Variants in GFOD1 observed in about 807,000 individuals in gnomAD.
GFOD1 encodes Gfo/Idh/MocA-like oxidoreductase domain containing 1, also known as glucose-fructose oxidoreductase domain-containing protein 1.
Under a neutral mutation model 25.4 loss-of-function variants are expected in GFOD1, and 9 were observed. The observed-to-expected ratio is 0.35, with a 90% confidence interval of 0.21 to 0.62. The LOEUF (loss-of-function observed/expected upper bound fraction) is 0.62, where lower values mean the gene tolerates loss of function less well. Among genes scored for constraint, GFOD1 ranks in the 20% least tolerant of loss-of-function variants. GFOD1 has a pLI of 0.72. For missense variants in GFOD1, 403 were observed against 556.9 expected, an observed-to-expected ratio of 0.72 and a Z score of 2.78; for synonymous variants, 253 against 245.6, an observed-to-expected ratio of 1.03 and a Z score of -0.28.
intron 1 of GFOD1, among the ~76,000 whole-genome samples, chr6:13,393,780 CTTT>C (rs70989854): frequency 4.2e-5 from 5 of 120,288 alleles, no homozygotes; most frequent in Non-Finnish European, 6.6e-5. Context: ...TTTTTCTTTT[CTTT>C]TTTTTTTTTT....
chr6:13,430,507 G>A lies in GFOD1; in HGVS notation c.253+56131C>T, dbSNP rs1375248927. Among the ~76,000 whole-genome samples, 1 of 151,888 alleles carries A rather than the reference G, an allele frequency of 6.6e-6. No individual in the cohort carries two copies. The highest frequency in any genetic ancestry group is 1.5e-5 in the Non-Finnish European group (1 of 67,958). ...CAGCCATTGCACTGTGAAGGAACCC[G>A]AGCCACATAGGGTATGGCATCAAGC... On this transcript the variant is annotated intron_variant, in intron 1 of 1. Transcript: ENST00000379287. The surrounding 1 kb of genome is among the most constrained non-coding windows in gnomAD (Gnocchi z 4.1).
intron 1 of GFOD1, among the ~76,000 whole-genome samples, chr6:13,379,915 C>T (rs527926056): frequency 6.6e-6 from 1 of 152,176 alleles, no homozygotes; most frequent in Non-Finnish European, 1.5e-5. Context: ...TCTCACCTGG[C>T]ATTTGCAAGC....
intron 1 of GFOD1, among the ~76,000 whole-genome samples, chr6:13,377,906 G>C (rs1785286077): frequency 6.6e-6 from 1 of 152,068 alleles, no homozygotes; most frequent in South Asian, 2.1e-4. Context: ...GGTGCTCTAG[G>C]GTTTTTAAGA....
chr6:13,405,039 C>T (rs1040251565), intron 1 of GFOD1, among the ~76,000 whole-genome samples: 2 of 152,120 alleles, frequency 1.3e-5, no homozygotes, highest in Non-Finnish European at 2.9e-5. Flanking sequence ...GTACCTGGTC[C>T]CTGAAGGTGA....
intron 1 of GFOD1, among the ~76,000 whole-genome samples, chr6:13,447,061 T>C (rs1366887434): frequency 6.6e-6 from 1 of 152,190 alleles, no homozygotes; most frequent in Non-Finnish European, 1.5e-5. Flanking sequence ...TCCCAAAAGA[T>C]CACAGAAGAT....
chr6:13,404,987 A>G (rs1262027331), intron 1 of GFOD1, among the ~76,000 whole-genome samples: 1 of 152,126 alleles, frequency 6.6e-6, no homozygotes, highest in African/African-American at 2.4e-5. Flanking sequence ...AAGCCCCACC[A>G]TTCTCTGTTG....
chr6:13,421,086 C>T (rs1412899367), intron 1 of GFOD1, among the ~76,000 whole-genome samples: 1 of 152,116 alleles, frequency 6.6e-6, no homozygotes, highest in Non-Finnish European at 1.5e-5. Context: ...GTAGATATAA[C>T]ATTGTTATTT....
At chr6:13,419,181 C>G (rs778648765) in intron 1 of GFOD1, among the ~76,000 whole-genome samples, 1 of 152,180 alleles carries the variant, frequency 6.6e-6, no homozygotes, top group Non-Finnish European at 1.5e-5. Context: ...GATTCATGCC[C>G]ATTTGAGAGG....
intron 1 of GFOD1, among the ~76,000 whole-genome samples, chr6:13,455,537 T>C (rs1332781792): frequency 6.6e-6 from 1 of 152,212 alleles, no homozygotes; most frequent in Non-Finnish European, 1.5e-5. Flanking sequence ...GACAGAGGGA[T>C]GCCTAAAACT....
At position 13,433,118 on chromosome 6, in the gene GFOD1, C is replaced by CTT. The variant is rs34908391; in HGVS notation, c.253+53518_253+53519dup. Among the ~76,000 whole-genome samples the CTT allele has an allele frequency of 8.4e-4, 112 of 133,630 alleles. 1 individual carries two copies. The highest frequency in any genetic ancestry group is 1.0e-3 in the African/African-American group (37 of 36,392). 87.7% of individuals were successfully genotyped at this position (133,630 alleles called of 152,430 possible). A position where few individuals can be genotyped will look rare whatever the true frequency, so the allele number is the denominator to read the frequency against. The stretch of plus-strand genomic sequence containing the variant: ...ATGACTGACATTTTGTGCTGGGTCC[C>CTT]TTTTTTTTTTTTTTTTTTGAGATGG... On this transcript the variant is annotated intron_variant, in intron 1 of 1. Transcript: ENST00000379287.
intron 1 of GFOD1, among the ~76,000 whole-genome samples, chr6:13,479,726 A>C (rs1449190428): frequency 6.6e-6 from 1 of 152,244 alleles, no homozygotes; most frequent in Non-Finnish European, 1.5e-5. Context: ...GTTCAACTGC[A>C]CCTAATTTCA....
At chr6:13,373,752 A>ACG in intron 1 of GFOD1, among the ~76,000 whole-genome samples, 1 of 144,366 alleles carries the variant, frequency 6.9e-6, no homozygotes, top group African/African-American at 2.6e-5. Flanking sequence ...ACACACACAC[A>ACG]CACACACACA....
intron 1 of GFOD1, chr6:13,486,257 C>CCCCCCCCCCCCCCCCCCA (rs1554207083): frequency 3.6e-6 from 1 of 276,728 alleles, no homozygotes; most frequent in African/African-American, 2.9e-5. Context: ...TCCCCCCCCC[C>CCCCCCCCCCCCCCCCCCA]CACACACACA....
chr6:13,409,129 GA>G lies in GFOD1; in HGVS notation c.254-43468del, dbSNP rs1297355546. Reference sequence around the variant, plus strand: ...AGAAAGAAAGAAAGAAAGAAAGAAAGAAAGAAAGAAAGAAAGAAAGAGAGGA... The same window carrying G: ...AGAAAGAAAGAAAGAAAGAAAGAAAGAAGAAAGAAAGAAAGAAAGAGAGGA... On this transcript the variant is annotated intron_variant, in intron 1 of 1. Transcript: ENST00000379287. 3.5e-3 allele frequency among the ~76,000 whole-genome samples: 164 copies of G among 46,730 alleles called. 24 individuals are homozygous for G. The highest frequency in any genetic ancestry group is 0.012 in the Admixed American group (32 of 2,732). 30.7% of individuals were successfully genotyped at this position (46,730 alleles called of 152,430 possible). A position where few individuals can be genotyped will look rare whatever the true frequency, so the allele number is the denominator to read the frequency against.
intron 1 of GFOD1, among the ~76,000 whole-genome samples, chr6:13,385,336 A>G (rs1444579227): frequency 1.3e-5 from 2 of 152,216 alleles, no homozygotes; most frequent in Non-Finnish European, 2.9e-5. Context: ...GCAAGATGAC[A>G]TCTGTAACAT....
chr6:13,441,480 G>A (rs1241715276), intron 1 of GFOD1, among the ~76,000 whole-genome samples: 4 of 152,176 alleles, frequency 2.6e-5, no homozygotes, highest in East Asian at 3.8e-4. Flanking sequence ...GATTTCATAC[G>A]TTGTGTTAAA....
intron 1 of GFOD1, among the ~76,000 whole-genome samples, chr6:13,382,321 G>C (rs1244217705): frequency 2.0e-5 from 3 of 146,626 alleles, no homozygotes; most frequent in African/African-American, 7.6e-5. Context: ...ATCATGGGAG[G>C]GACCCAGTGG....
At chr6:13,431,775 G>T (rs773649890) in intron 1 of GFOD1, among the ~76,000 whole-genome samples, 9 of 152,194 alleles carry the variant, frequency 5.9e-5, no homozygotes, top group Non-Finnish European at 1.2e-4. Flanking sequence ...TTCCCAGGTT[G>T]CACCAAGTAT....
chr6:13,448,678 G>A (rs747261726), intron 1 of GFOD1, among the ~76,000 whole-genome samples: 1 of 152,222 alleles, frequency 6.6e-6, no homozygotes, highest in Non-Finnish European at 1.5e-5. Flanking sequence ...CTGCCTGCAT[G>A]TTGTTTGCAG....
Sources: allele counts gnomAD v4.1 joint callset (sites outside exome capture counted in the v4.1 genomes callset), GRCh38; gene constraint gnomAD v4.1.1; non-coding constraint Gnocchi (gnomAD v3.1); transcripts MANE v1.5; gene names NCBI Gene and HGNC (gene_info 2026-07-23, HGNC 2026-07-21).